The following CDK18 variants were observed in gnomAD, a reference collection of about 807,000 sequenced individuals.
The protein encoded by CDK18 is cyclin dependent kinase 18.
A neutral mutation model predicts 62.0 loss-of-function variants in CDK18; 52 were observed. The observed-to-expected ratio is 0.84, with a 90% CI of 0.67 to 1.06. CDK18 has a LOEUF of 1.06. CDK18 is among the 50% of genes least tolerant of loss of function. CDK18 has a pLI of 0.00. For missense variants in CDK18, 604 were observed against 619.9 expected (o/e 0.97, Z 0.27); for synonymous variants, 237 against 247.0 (o/e 0.96, Z 0.38).
rs969933001 is a variant in CDK18, at chr1:205,531,337, T to G, written c.1391-7T>G. On this transcript the variant is annotated splice_region_variant and splice_polypyrimidine_tract_variant and intron_variant, in intron 15 of 15. Transcript: ENST00000429964. ...CCCTGCAGCCCCACCTCTTCTCCAT[T>G]CTCCAGGACGAGGGAAGAACAGGCG... is the stretch of plus-strand genomic sequence containing the variant. The G allele has an allele frequency of 1.2e-6, 2 of 1,613,784 alleles. No individual in the cohort carries two copies. Among genetic ancestry groups the G allele is most frequent in the African/African-American group, 2.7e-5 (2 of 74,856 alleles).
intron 11 of CDK18, 23 bp downstream of exon 11, chr1:205,529,119 CCT>C: frequency 6.5e-7 from 1 of 1,542,980 alleles, no homozygotes; most frequent in Non-Finnish European, 8.8e-7. Context: ...CTGCTCCGTC[CCT>C]CTCACCACCA....
rs1278711923 is a variant in CDK18, at chr1:205,529,229, C to T, written c.1073-95C>T. 1.0e-5 allele frequency: 14 copies of T among 1,370,882 alleles called. No individual in the cohort carries two copies. In the Admixed American group the frequency reaches 2.7e-4, roughly 26 times the overall value. The allele number at this position is 1,370,882 out of a possible 1,614,324, so 84.9% of individuals were successfully genotyped here. ...GGCGGGGACCCCCTGTGGCCTCGGC[C>T]ATCTTTGCTCCCACCTCATACATTG... On this transcript the variant is annotated intron_variant, in intron 11 of 15. Coordinates refer to ENST00000429964, the MANE Select transcript of CDK18 (RefSeq NM_212502.3).
At position 205,529,284 on chromosome 1, in the gene CDK18, GCCTCACGCAGGCCCTCCCCAC is replaced by G; in HGVS notation, c.1073-35_1073-15del. 1 of 1,571,696 alleles carries G rather than the reference GCCTCACGCAGGCCCTCCCCAC, an allele frequency of 6.4e-7. No homozygotes were observed. The highest frequency in any genetic ancestry group is 8.7e-7 in the Non-Finnish European group (1 of 1,144,676). ...CCTTTCAAGTCGGCCTTGGCCCTGG[GCCTCACGCAGGCCCTCCCCAC>G]CCTCTCTCGTCTCCCCAGGGACCCC... On this transcript the variant is annotated intron_variant, in intron 11 of 15. Transcript: ENST00000429964.
intron 1 of CDK18, among the ~76,000 whole-genome samples, chr1:205,506,100 C>T (rs967276891): frequency 2.0e-5 from 3 of 152,210 alleles, no homozygotes; most frequent in Non-Finnish European, 4.4e-5. Context: ...TGGACTGGCA[C>T]GTCCTCAGAG....
In CDK18 at chr1:205,526,468, G is replaced by C; in HGVS notation, c.666+7G>C. On this transcript the variant is annotated splice_region_variant and intron_variant, in intron 7 of 15. Coordinates refer to ENST00000429964, the MANE Select transcript of CDK18 (RefSeq NM_212502.3). ...CCTGGTGTTTGAGTACCTGGTGAGA[G>C]TCCGGCTGGGGCTGGCCGCCTCTCC... is the stretch of plus-strand genomic sequence containing the variant. 3.7e-6 allele frequency: 6 copies of C among 1,608,072 alleles called. No homozygotes were observed. Among genetic ancestry groups the C allele is most frequent in the Non-Finnish European group, 5.1e-6 (6 of 1,174,766 alleles).
intron 1 of CDK18, among the ~76,000 whole-genome samples, chr1:205,506,011 C>T (rs1205746607): frequency 3.3e-5 from 5 of 152,204 alleles, no homozygotes; most frequent in Non-Finnish European, 1.5e-5. Flanking sequence ...TCGGCATGTT[C>T]GCGTGGCATT....
In CDK18 at chr1:205,527,428, A is replaced by G. The variant is rs905004324; in HGVS notation, c.730-366A>G. ...CGGGAGGTTGAGGCTGCAGTGAGCC[A>G]TGATCACACCACTGCACTCCAGCCT... On this transcript the variant is annotated intron_variant, in intron 8 of 15. Coordinates refer to ENST00000429964, the MANE Select transcript of CDK18 (RefSeq NM_212502.3). This position sits in a 1 kb window ranked among gnomAD's most constrained non-coding sequence, Gnocchi z 4.1. The G allele has an allele frequency of 4.3e-6, 1 of 233,116 alleles. No individual in the cohort carries two copies. The highest frequency in any genetic ancestry group is 8.4e-6 in the Non-Finnish European group (1 of 118,654). 14.4% of individuals were successfully genotyped at this position (233,116 alleles called of 1,614,324 possible).
rs1275728819 is a variant in CDK18, at chr1:205,531,648, G to A, written c.*270G>A. The A allele has an allele frequency of 1.1e-5, 5 of 474,060 alleles. No individual in the cohort carries two copies. The highest frequency in any genetic ancestry group is 4.0e-5 in the East Asian group (1 of 24,840). 29.4% of individuals were successfully genotyped at this position (474,060 alleles called of 1,614,324 possible). A position where few individuals can be genotyped will look rare whatever the true frequency, so the allele number is the denominator to read the frequency against. ...CCCTGAGAGGACATGAGGGGGGGGC[G>A]GTCCTCGTACCCTCTCCCACCCTGG... On this transcript the variant is annotated 3_prime_UTR_variant, in exon 16 of 16. Transcript: ENST00000429964.
intron 1 of CDK18, among the ~76,000 whole-genome samples, chr1:205,507,170 C>T (rs948263978): frequency 6.6e-6 from 1 of 152,134 alleles, no homozygotes; most frequent in Non-Finnish European, 1.5e-5. Context: ...TCCTTCTGTT[C>T]TTCTCTAACT....
chr1:205,517,204 G>A lies in CDK18; in HGVS notation c.-21-5943G>A, dbSNP rs529694322. On this transcript the variant is annotated intron_variant, in intron 1 of 15. Coordinates refer to ENST00000429964, the MANE Select transcript of CDK18 (RefSeq NM_212502.3). This position sits in a 1 kb window ranked among gnomAD's most constrained non-coding sequence, Gnocchi z 4.1. ...GCCAGTAGCCGGGGTTCCCTGCCTTGCACGGGCCCCACCCTGCGTGGCCCT... is the reference window on the plus strand; with the variant it reads ...GCCAGTAGCCGGGGTTCCCTGCCTTACACGGGCCCCACCCTGCGTGGCCCT... Among the ~76,000 whole-genome samples the A allele has an allele frequency of 6.6e-6, 1 of 152,148 alleles. No homozygotes were observed. The highest frequency in any genetic ancestry group is 2.1e-4 in the South Asian group (1 of 4,828).
intron 8 of CDK18, 145 bp downstream of exon 8, chr1:205,526,982 T>A: frequency 1.5e-6 from 1 of 669,872 alleles, no homozygotes; most frequent in Non-Finnish European, 2.7e-6. Flanking sequence ...GGCAATGCCA[T>A]CAACGAGTCC....
At chr1:205,524,079 G>A (rs908167920) in intron 3 of CDK18, among the ~76,000 whole-genome samples, 153 bp from the exon 4 acceptor site, 2 of 152,178 alleles carry the variant, frequency 1.3e-5, no homozygotes, top group African/African-American at 4.8e-5. Context: ...CACACACTGG[G>A]AGCAGCTGTG....
At chr1:205,522,914 G>A in intron 1 of CDK18, 1 of 511,644 alleles carries the variant, frequency 2.0e-6, no homozygotes, top group Non-Finnish European at 3.5e-6. Context: ...GGCGGGCGGT[G>A]GGCAGTGGAG....
In CDK18 at chr1:205,531,780, G is replaced by C. The variant is rs118069551; in HGVS notation, c.*402G>C. The C allele has an allele frequency of 0.031, 6,415 of 207,980 alleles. 145 individuals are homozygous for C. The highest frequency in any genetic ancestry group is 0.068 in the Admixed American group (1,285 of 18,812). The allele number at this position is 207,980 out of a possible 1,614,324, so 12.9% of individuals were successfully genotyped here. A position where few individuals can be genotyped will look rare whatever the true frequency, so the allele number is the denominator to read the frequency against. On this transcript the variant is annotated 3_prime_UTR_variant, in exon 16 of 16. Coordinates refer to ENST00000429964, the MANE Select transcript of CDK18 (RefSeq NM_212502.3). ...ACCCTCCTCCCCCAGGACCTGCCTAGTGCCAGTTTGGTAGTCCCCCTTTCT... is the reference window on the plus strand; with the variant it reads ...ACCCTCCTCCCCCAGGACCTGCCTACTGCCAGTTTGGTAGTCCCCCTTTCT...
In CDK18 at chr1:205,526,856, G is replaced by C. The variant is rs954596305; in HGVS notation, c.729+19G>C. The C allele has an allele frequency of 1.2e-6, 2 of 1,607,028 alleles. No individual in the cohort carries two copies. The highest frequency in any genetic ancestry group is 1.3e-5 in the African/African-American group (1 of 74,886). On this transcript the variant is annotated intron_variant, in intron 8 of 15. Coordinates refer to ENST00000429964, the MANE Select transcript of CDK18 (RefSeq NM_212502.3). ...CGTCAAGGTGAGGCCTCGGGGGCAG[G>C]GTCCCCCCATCTTGGCAGCCACCTG...
intron 13 of CDK18, chr1:205,529,942 G>A (rs1213481107): frequency 7.2e-7 from 1 of 1,381,604 alleles, no homozygotes; most frequent in Non-Finnish European, 9.4e-7. Flanking sequence ...GTTGTTATCG[G>A]CACTACGCTT....
chr1:205,507,057 C>G (rs1667341935), intron 1 of CDK18, among the ~76,000 whole-genome samples: 1 of 152,230 alleles, frequency 6.6e-6, no homozygotes. Flanking sequence ...TAGGGCAGAG[C>G]CCGGCTTGAC....
At chr1:205,531,231 C>T in intron 15 of CDK18, 113 bp from the exon 16 acceptor site, 1 of 921,054 alleles carries the variant, frequency 1.1e-6, no homozygotes, top group South Asian at 1.4e-5. Context: ...TGTTTGCATG[C>T]CCTTGCTTGC....
rs1033686574 is a variant in CDK18, at chr1:205,528,109, G to A, written c.915G>A (p.Trp305Ter). Residue 305 changes from tryptophan to a stop codon, truncating the protein, a stop_gained, in exon 10 of 16, where the codon TGG (tryptophan) becomes TGA (stop). Coordinates refer to ENST00000429964, the MANE Select transcript of CDK18 (RefSeq NM_212502.3). LOFTEE classifies it high-confidence loss of function. The surrounding 1 kb of genome is among the most constrained non-coding windows in gnomAD (Gnocchi z 4.2). ...KTYSNEVVTL[W>*]YRPPDVLLGS... ...ACTCCAATGAGGTGGTGACCCTGTG[G>A]TACAGGCCCCCCGATGTGCTGCTGG... 1.2e-6 allele frequency: 2 copies of A among 1,614,136 alleles called. No individual in the cohort carries two copies. The highest frequency in any genetic ancestry group is 1.7e-6 in the Non-Finnish European group (2 of 1,180,014).
Sources: gnomAD v4.1 joint callset for allele counts (sites outside exome capture counted in the v4.1 genomes callset) on GRCh38, gnomAD v4.1.1 for gene constraint, Gnocchi (gnomAD v3.1) non-coding constraint, MANE v1.5 for transcripts, NCBI Gene and HGNC (gene_info 2026-07-23, HGNC 2026-07-21) for gene names.